ORAI3: variants seen among roughly 807,000 people sequenced by gnomAD.
The protein encoded by ORAI3 is protein orai-3.
Under a neutral mutation model 17.2 loss-of-function variants are expected in ORAI3, and 15 were observed. The observed-to-expected ratio is 0.87, with a 90% CI of 0.58 to 1.34. The LOEUF (loss-of-function observed/expected upper bound fraction) is 1.34. Ranked by LOEUF, ORAI3 falls within the 40% of genes most tolerant of loss-of-function variation. The pLI, the probability that ORAI3 is intolerant of heterozygous loss-of-function variation, is 0.00. For missense variants in ORAI3, 405 were observed against 396.7 expected (o/e 1.02, Z -0.18); for synonymous variants, 178 against 172.4 (o/e 1.03, Z -0.25).
intron 1 of ORAI3, 65 bp from the exon 2 acceptor site, chr16:30,953,120 A>T: frequency 4.1e-6 from 6 of 1,468,778 alleles, no homozygotes; most frequent in Non-Finnish European, 5.5e-6. Context: ...GTATCCCGAT[A>T]GGCGGAAAAA....
At position 30,953,930 on chromosome 16, in the gene ORAI3, C is replaced by G; in HGVS notation, c.*86C>G. Reference sequence around the variant, plus strand: ...GCAGGGGCCTACAGACCTCATCCCCCCATCCCCTGGCTGGAGCCACTTCCA... The same window carrying G: ...GCAGGGGCCTACAGACCTCATCCCCGCATCCCCTGGCTGGAGCCACTTCCA... On this transcript the variant is annotated 3_prime_UTR_variant, in exon 2 of 2. Coordinates refer to ENST00000318663, the MANE Select transcript of ORAI3 (RefSeq NM_152288.3). 1 of 1,433,838 alleles carries G rather than the reference C, an allele frequency of 7.0e-7. No homozygotes were observed. The highest frequency in any genetic ancestry group is 9.5e-7 in the Non-Finnish European group (1 of 1,050,114). 88.8% of individuals were successfully genotyped at this position (1,433,838 alleles called of 1,614,324 possible).
At position 30,953,432 on chromosome 16, in the gene ORAI3, C is replaced by A. The variant is rs774912909; in HGVS notation, c.476C>A (p.Thr159Asn). 6.2e-7 allele frequency: 1 copy of A among 1,614,258 alleles called. No homozygotes were observed. The highest frequency in any genetic ancestry group is 1.1e-5 in the South Asian group (1 of 91,090). ...TGGGGCTTCTCCACTGCCCTGGGCACCTTTCTCTTCCTTGCTGAAGTTGTC... is the reference window on the plus strand; with the variant it reads ...TGGGGCTTCTCCACTGCCCTGGGCAACTTTCTCTTCCTTGCTGAAGTTGTC... ...LAWGFSTALG[T>N]FLFLAEVVLV... The change falls in exon 2 of 2, where the codon ACC becomes AAC. Residue 159 changes from threonine to asparagine, a missense_variant. Coordinates refer to ENST00000318663, the MANE Select transcript of ORAI3 (RefSeq NM_152288.3).
chr16:30,949,385 C>A lies in ORAI3; in HGVS notation c.96C>A (p.His32Gln). 6.3e-7 allele frequency: 1 copy of A among 1,583,610 alleles called. No individual in the cohort carries two copies. Among genetic ancestry groups the A allele is most frequent in the South Asian group, 1.1e-5 (1 of 87,236 alleles). Residue 32 changes from histidine to glutamine, a missense_variant, in exon 1 of 2, where the codon CAC becomes CAA. His to Gln is a conservative substitution (Grantham distance 24). Coordinates refer to ENST00000318663, the MANE Select transcript of ORAI3 (RefSeq NM_152288.3). ...CGGCCACGTACCGGGAGTTCGTGCACCGCGGCTACCTGGACCTCATGGGGG... is the reference window on the plus strand; with the variant it reads ...CGGCCACGTACCGGGAGTTCGTGCAACGCGGCTACCTGGACCTCATGGGGG... ...AGSATYREFV[H>Q]RGYLDLMGAS...
chr16:30,949,302 G>C lies in ORAI3; in HGVS notation c.13G>C (p.Glu5Gln). 7.1e-7 allele frequency: 1 copy of C among 1,417,200 alleles called. No individual in the cohort carries two copies. The allele number at this position is 1,417,200 out of a possible 1,614,324, so 87.8% of individuals were successfully genotyped here. The change falls in exon 1 of 2, where the codon GAG becomes CAG. Residue 5 changes from glutamate to glutamine, a missense_variant. Physicochemically the swap from Glu to Gln is conservative, Grantham distance 29 (BLOSUM62 2). Transcript: ENST00000318663. ...CCCCCCCCCCAGGATGAAGGGCGGCGAGGGGGACGCGGGCGAGCAGGCCCC... is the reference window on the plus strand; with the variant it reads ...CCCCCCCCCCAGGATGAAGGGCGGCCAGGGGGACGCGGGCGAGCAGGCCCC... The part of the protein sequence containing the change: MKGG[E>Q]GDAGEQAPLN...
Position 30,949,170 on chromosome 16 carries a change from G to A in ORAI3, c.-120G>A. 1.6e-6 allele frequency: 1 copy of A among 640,780 alleles called. No homozygotes were observed. Among genetic ancestry groups the A allele is most frequent in the Non-Finnish European group, 2.4e-6 (1 of 418,304 alleles). 39.7% of individuals were successfully genotyped at this position (640,780 alleles called of 1,614,324 possible). ...GGGTGCCTCTTCCTGGGCGCCCGCC[G>A]CCTGCATCCTGCTCGTCCTGTCTGG... On this transcript the variant is annotated 5_prime_UTR_variant, in exon 1 of 2. Coordinates refer to ENST00000318663, the MANE Select transcript of ORAI3 (RefSeq NM_152288.3).
chr16:30,949,697 G>A (rs2055913968), intron 1 of ORAI3, 180 bp downstream of exon 1: 4 of 595,560 alleles, frequency 6.7e-6, no homozygotes, highest in East Asian at 6.3e-5. Flanking sequence ...GTGTGTACAG[G>A]GGACCCCAGG....
At chr16:30,949,996 G>A (rs1262773815) in intron 1 of ORAI3, 4 of 156,838 alleles carry the variant, frequency 2.6e-5, no homozygotes, top group African/African-American at 9.6e-5. Flanking sequence ...GGGCCCAAGG[G>A]GTGCTAGTGT....
Position 30,954,211 on chromosome 16 carries a change from A to C in ORAI3, c.*367A>C. 1 of 662,958 alleles carries C rather than the reference A, an allele frequency of 1.5e-6. No homozygotes were observed. Among genetic ancestry groups the C allele is most frequent in the Admixed American group, 2.5e-5 (1 of 40,352 alleles). 41.1% of individuals were successfully genotyped at this position (662,958 alleles called of 1,614,324 possible). A position where few individuals can be genotyped will look rare whatever the true frequency, so the allele number is the denominator to read the frequency against. ...ATACAGGATGTGAAGGTCAGAAGGC[A>C]GCCAATTGTTGGTTTAATTTTTTTT... On this transcript the variant is annotated 3_prime_UTR_variant, in exon 2 of 2. Transcript: ENST00000318663.
intron 1 of ORAI3, among the ~76,000 whole-genome samples, chr16:30,951,447 C>T (rs1276658908): frequency 6.6e-6 from 1 of 152,188 alleles, no homozygotes. Context: ...GAGCCTAAGC[C>T]GTCTGGTTCC....
rs199643124 is a variant in ORAI3, at chr16:30,953,567, T to G, written c.611T>G (p.Leu204Arg). The change falls in exon 2 of 2, where the codon CTT becomes CGT. Residue 204 changes from leucine (L) to arginine (R), a missense_variant. By Grantham distance (102) the Leu-to-Arg change is moderately radical. Coordinates refer to ENST00000318663, the MANE Select transcript of ORAI3 (RefSeq NM_152288.3). ...ACTCTGGCACCAGTGGCTACCTCCC[T>G]TAGTCCAGCTTCCAATCTCCCACGG... ...PGTLAPVATS[L>R]SPASNLPRSS... is the part of the protein sequence containing the mutation. 6 of 1,614,138 alleles carry G rather than the reference T, an allele frequency of 3.7e-6. No homozygotes were observed. Among genetic ancestry groups the G allele is most frequent in the Middle Eastern group, 1.6e-4 (1 of 6,062 alleles).
At chr16:30,949,778 T>G in intron 1 of ORAI3, 1 of 459,502 alleles carries the variant, frequency 2.2e-6, no homozygotes, top group Non-Finnish European at 3.9e-6. Context: ...AAATCGCTGG[T>G]GGGGTTGACT....
Position 30,949,124 on chromosome 16 carries a change from C to T in ORAI3, c.-166C>T, listed in dbSNP as rs2143412279. On this transcript the variant is annotated 5_prime_UTR_variant, in exon 1 of 2. Transcript: ENST00000318663. The stretch of plus-strand genomic sequence containing the variant: ...CGGCTCCTGGGGCTCCCCGCAGACG[C>T]TGCTTTTCTTGCTCCACTGGGGGTG... 2 of 493,112 alleles carry T rather than the reference C, an allele frequency of 4.1e-6. No homozygotes were observed. Among genetic ancestry groups the T allele is most frequent in the East Asian group, 3.6e-5 (1 of 28,156 alleles). The allele number at this position is 493,112 out of a possible 1,614,324, so 30.5% of individuals were successfully genotyped here.
In ORAI3 at chr16:30,953,694, G is replaced by T; in HGVS notation, c.738G>T (p.Met246Ile). Reference protein sequence around the residue: ...GAHGPGWQAAMASTAIMVPVG... With the variant: ...GAHGPGWQAAIASTAIMVPVG... Reference sequence around the variant, plus strand: ...ATGGGCCAGGCTGGCAAGCAGCCATGGCCTCCACAGCCATCATGGTACCCG... The same window carrying T: ...ATGGGCCAGGCTGGCAAGCAGCCATTGCCTCCACAGCCATCATGGTACCCG... Residue 246 changes from methionine to isoleucine, a missense_variant, in exon 2 of 2, where the codon ATG becomes ATT. Coordinates refer to ENST00000318663, the MANE Select transcript of ORAI3 (RefSeq NM_152288.3). 1.2e-6 allele frequency: 2 copies of T among 1,614,188 alleles called. No individual in the cohort carries two copies. The highest frequency in any genetic ancestry group is 2.7e-5 in the African/African-American group (2 of 75,066).
intron 1 of ORAI3, among the ~76,000 whole-genome samples, chr16:30,951,929 C>T (rs915807436): frequency 2.6e-5 from 4 of 152,160 alleles, no homozygotes; most frequent in African/African-American, 7.2e-5. Context: ...AAGCAAAACA[C>T]GTCTGCAAGC....
intron 1 of ORAI3, among the ~76,000 whole-genome samples, chr16:30,952,267 C>T (rs1241390236): frequency 1.3e-5 from 2 of 151,682 alleles, no homozygotes; most frequent in African/African-American, 2.4e-5. Context: ...CCTGAGTAGC[C>T]GGGATTACAG....
intron 1 of ORAI3, among the ~76,000 whole-genome samples, chr16:30,950,520 A>C (rs2055919550): frequency 6.6e-6 from 1 of 152,172 alleles, no homozygotes; most frequent in Non-Finnish European, 1.5e-5. Flanking sequence ...AGTGAGCTGC[A>C]GGAGGTACTT....
At chr16:30,952,674 A>G (rs537537468) in intron 1 of ORAI3, among the ~76,000 whole-genome samples, 1 of 149,324 alleles carries the variant, frequency 6.7e-6, no homozygotes, top group Non-Finnish European at 1.5e-5. Flanking sequence ...TTTATTTTTA[A>G]TTTTTTTTTG....
Position 30,953,888 on chromosome 16 carries a change from G to A in ORAI3, c.*44G>A, listed in dbSNP as rs781710327. 58 of 1,573,970 alleles carry A rather than the reference G, an allele frequency of 3.7e-5. No homozygotes were observed. Among genetic ancestry groups the A allele is most frequent in the Non-Finnish European group, 4.6e-5 (54 of 1,163,672 alleles). ...CTCACTGCAAGCACTGCCTCCCTCC[G>A]GGGTCTGTAAGAGGCCGCAGGGGCC... On this transcript the variant is annotated 3_prime_UTR_variant, in exon 2 of 2. Coordinates refer to ENST00000318663, the MANE Select transcript of ORAI3 (RefSeq NM_152288.3).
rs769261967 is a variant in ORAI3 at position 30,949,341 on chromosome 16, G to A, written c.52G>A (p.Gly18Ser). The change falls in exon 1 of 2, where the codon GGC (glycine) becomes AGC (serine). Residue 18 changes from glycine (G) to serine (S), a missense_variant. Gly to Ser is a moderately conservative substitution (Grantham distance 56). Coordinates refer to ENST00000318663, the MANE Select transcript of ORAI3 (RefSeq NM_152288.3). The stretch of plus-strand genomic sequence containing the variant: ...CGAGCAGGCCCCGCTGAACCCTGAG[G>A]GCGAGAGCCCTGCAGGCTCGGCCAC... ...AGEQAPLNPE[G>S]ESPAGSATYR... 6.6e-7 allele frequency: 1 copy of A among 1,516,668 alleles called. No individual in the cohort carries two copies. Among genetic ancestry groups the A allele is most frequent in the East Asian group, 2.7e-5 (1 of 37,666 alleles). 94.0% of individuals were successfully genotyped at this position (1,516,668 alleles called of 1,614,324 possible). A position where few individuals can be genotyped will look rare whatever the true frequency, so the allele number is the denominator to read the frequency against.
Sources: gnomAD v4.1 joint callset for allele counts (sites outside exome capture counted in the v4.1 genomes callset) on GRCh38, gnomAD v4.1.1 for gene constraint, MANE v1.5 for transcripts, NCBI Gene and HGNC (gene_info 2026-07-23, HGNC 2026-07-21) for gene names.